KCNQ5: variants seen among roughly 807,000 people sequenced by gnomAD.
The protein encoded by KCNQ5 is potassium voltage-gated channel subfamily Q member 5.
A neutral mutation model predicts 98.2 loss-of-function variants in KCNQ5; 30 were observed. The observed-to-expected ratio is 0.31, with a 90% CI of 0.23 to 0.41. The LOEUF (loss-of-function observed/expected upper bound fraction) is 0.41, where lower values mean the gene tolerates loss of function less well. KCNQ5 is among the 10% of genes least tolerant of loss of function. The pLI, the probability that KCNQ5 is intolerant of heterozygous loss-of-function variation, is 1.00. For synonymous variants in KCNQ5, 458 were observed against 449.4 expected (o/e 1.02, Z -0.24); for missense variants, 835 against 1,182.5 (o/e 0.71, Z 4.31).
chr6:72,928,585 TCTGTGG>T (rs1315351697), intron 1 of KCNQ5, among the ~76,000 whole-genome samples: 1 of 152,098 alleles, frequency 6.6e-6, no homozygotes, highest in Non-Finnish European at 1.5e-5. Context: ...AGATTTTGGA[TCTGTGG>T]TAGCATGGGA....
At chr6:73,179,923 T>C (rs900399232) in intron 11 of KCNQ5, among the ~76,000 whole-genome samples, 4 of 152,200 alleles carry the variant, frequency 2.6e-5, no homozygotes, top group African/African-American at 9.7e-5. Flanking sequence ...AGCAATAGGA[T>C]TTGTTTCTTC....
intron 1 of KCNQ5, among the ~76,000 whole-genome samples, chr6:72,758,731 C>T (rs1335432386): frequency 6.6e-6 from 1 of 152,118 alleles, no homozygotes; most frequent in Non-Finnish European, 1.5e-5. Context: ...TTTGAATACA[C>T]TCATTTATTT....
At position 73,105,314 on chromosome 6, in the gene KCNQ5, T is replaced by C. The variant is rs767953445; in HGVS notation, c.976T>C (p.Leu326=). The change falls in exon 6 of 14, where the codon TTG becomes CTG. Residue 326 remains leucine, a synonymous_variant. Coordinates refer to ENST00000370398, the MANE Select transcript of KCNQ5 (RefSeq NM_019842.4). Reference sequence around the variant, plus strand: ...AACTCCCCTAACTTGGCTGGGAAGATTGCTTTCTGCAGGCTTTGCACTCCT... The same window carrying C: ...AACTCCCCTAACTTGGCTGGGAAGACTGCTTTCTGCAGGCTTTGCACTCCT... ...DKTPLTWLGR[L]LSAGFALLGI... The C allele has an allele frequency of 1.2e-6, 2 of 1,613,050 alleles. No homozygotes were observed. Among genetic ancestry groups the C allele is most frequent in the Non-Finnish European group, 8.5e-7 (1 of 1,179,434 alleles).
chr6:73,039,282 T>C (rs1771582203), intron 2 of KCNQ5, among the ~76,000 whole-genome samples: 1 of 152,188 alleles, frequency 6.6e-6, no homozygotes, highest in South Asian at 2.1e-4. Flanking sequence ...TTTTGTTTCA[T>C]GGATTTTCCA....
chr6:73,154,778 A>G (rs1175288926), intron 10 of KCNQ5, among the ~76,000 whole-genome samples: 2 of 152,206 alleles, frequency 1.3e-5, no homozygotes, highest in African/African-American at 4.8e-5. Flanking sequence ...TTCATGGGCT[A>G]ATAGGGGAAG....
intron 1 of KCNQ5, among the ~76,000 whole-genome samples, chr6:72,736,907 T>C (rs1168416748): frequency 6.6e-6 from 1 of 152,222 alleles, no homozygotes; most frequent in Non-Finnish European, 1.5e-5. Context: ...AGTAAACATA[T>C]TTGTAATATA....
At chr6:72,657,684 T>C (rs75763951) in intron 1 of KCNQ5, among the ~76,000 whole-genome samples, 2,013 of 152,348 alleles carry the variant, frequency 0.013, 33 homozygotes, top group African/African-American at 0.042. Flanking sequence ...CTAAAGCCTT[T>C]GTAGATAGAA....
intron 1 of KCNQ5, among the ~76,000 whole-genome samples, chr6:72,869,332 G>A (rs1374180266): frequency 2.6e-5 from 4 of 152,138 alleles, no homozygotes; most frequent in African/African-American, 9.7e-5. Context: ...GGGGCCGATG[G>A]ACACTACAGG....
chr6:72,919,812 G>T (rs1333673014), intron 1 of KCNQ5, among the ~76,000 whole-genome samples: 1 of 152,144 alleles, frequency 6.6e-6, no homozygotes, highest in Non-Finnish European at 1.5e-5. Context: ...CATGTCATTT[G>T]TCTCTGACGT....
intron 11 of KCNQ5, among the ~76,000 whole-genome samples, chr6:73,170,343 T>G (rs1475682969): frequency 6.6e-6 from 1 of 151,978 alleles, no homozygotes; most frequent in Non-Finnish European, 1.5e-5. Context: ...GATCTTAATT[T>G]GCTTCCTCTA....
chr6:72,975,429 A>T (rs917693276), intron 1 of KCNQ5, among the ~76,000 whole-genome samples: 3 of 152,042 alleles, frequency 2.0e-5, no homozygotes, highest in African/African-American at 7.2e-5. Context: ...AACTTTTCTG[A>T]TCTATAAAAT....
intron 5 of KCNQ5, among the ~76,000 whole-genome samples, chr6:73,091,178 T>C (rs1774231318): frequency 1.3e-5 from 2 of 152,260 alleles, no homozygotes; most frequent in Admixed American, 6.5e-5. Flanking sequence ...TGCAGGGACA[T>C]GGATGAAACT....
chr6:72,752,594 A>G (rs9442844), intron 1 of KCNQ5, among the ~76,000 whole-genome samples: 21,975 of 152,130 alleles, frequency 0.14, 5,138 homozygotes, highest in African/African-American at 0.49. Flanking sequence ...TGAGTCTCCA[A>G]GTTGTATTCA....
intron 1 of KCNQ5, among the ~76,000 whole-genome samples, chr6:72,716,097 A>G (rs144827415): frequency 2.0e-5 from 3 of 152,238 alleles, no homozygotes; most frequent in African/African-American, 7.2e-5. Flanking sequence ...CTTAACTCAA[A>G]TGTCATTGCT....
intron 2 of KCNQ5, among the ~76,000 whole-genome samples, chr6:73,025,623 C>CAAAAAAAAAAA (rs58607159): frequency 8.3e-4 from 44 of 53,002 alleles, no homozygotes; most frequent in East Asian, 4.0e-3. Flanking sequence ...AACTCCATCT[C>CAAAAAAAAAAA]AAAAAAAAAA....
At position 73,089,949 on chromosome 6, in the gene KCNQ5, C is replaced by T. The variant is rs180933651; in HGVS notation, c.918+12062C>T. Among the ~76,000 whole-genome samples, 324 of 152,254 alleles carry T rather than the reference C, an allele frequency of 2.1e-3. 1 individual carries two copies. The highest frequency in any genetic ancestry group is 2.2e-3 in the Non-Finnish European group (151 of 68,018). ...ATAACCAGTAGTGAGATTGCTGGAT[C>T]AAATGGTTCTACTTTTAGTTCTTTA... On this transcript the variant is annotated intron_variant, in intron 5 of 13. Coordinates refer to ENST00000370398, the MANE Select transcript of KCNQ5 (RefSeq NM_019842.4).
intron 5 of KCNQ5, among the ~76,000 whole-genome samples, chr6:73,082,759 C>A (rs199923455): frequency 6.6e-6 from 1 of 152,170 alleles, no homozygotes; most frequent in Non-Finnish European, 1.5e-5. Flanking sequence ...GCCAGATTAA[C>A]CAACACTCCT....
At chr6:72,766,388 G>C (rs762191647) in intron 1 of KCNQ5, among the ~76,000 whole-genome samples, 5 of 152,010 alleles carry the variant, frequency 3.3e-5, no homozygotes, top group South Asian at 4.2e-4. Flanking sequence ...TCATCGGAAG[G>C]CTTTGAAAAA....
intron 10 of KCNQ5, chr6:73,157,396 T>A (rs1777406168): frequency 1.7e-6 from 1 of 582,446 alleles, no homozygotes; most frequent in African/African-American, 1.9e-5. Context: ...TCACAATTTC[T>A]GGGGGGCAGC....
Sources: allele counts gnomAD v4.1 joint callset (sites outside exome capture counted in the v4.1 genomes callset), GRCh38; gene constraint gnomAD v4.1.1; transcripts MANE v1.5; gene names NCBI Gene and HGNC (gene_info 2026-07-23, HGNC 2026-07-21).